Variants in ATG13 observed in about 807,000 individuals in gnomAD.
ATG13 encodes the protein autophagy related 13.
In ATG13, 23 loss-of-function variants were observed where a neutral mutation model predicts 65.5. The ratio of observed to expected loss-of-function variants is 0.35; its 90% CI spans 0.25 to 0.50. The LOEUF is 0.50. Ranked by LOEUF, ATG13 falls within the 20% of genes least tolerant of loss-of-function variation. The pLI, the probability that ATG13 is intolerant of heterozygous loss-of-function variation, is 0.98. For missense variants in ATG13, 566 were observed against 677.0 expected (o/e 0.84, Z 1.82); for synonymous variants, 252 against 245.2 (o/e 1.03, Z -0.26).
intron 1 of ATG13, among the ~76,000 whole-genome samples, chr11:46,623,490 C>T (rs991074964): frequency 1.1e-4 from 16 of 151,984 alleles, no homozygotes; most frequent in Admixed American, 1.0e-3. Flanking sequence ...TGCAGTGGCG[C>T]AGTCTTGGCT....
chr11:46,668,928 T>C lies in ATG13; in HGVS notation c.1446+18T>C, dbSNP rs767166614. On this transcript the variant is annotated intron_variant, in intron 17 of 18. Coordinates refer to ENST00000683050, the MANE Select transcript of ATG13 (RefSeq NM_001346311.2). Reference sequence around the variant, plus strand: ...TAGACTTTGTAAGTCGCCGTCACCTTCCTTGACCTTTGCTGTCCCGGGGAA... The same window carrying C: ...TAGACTTTGTAAGTCGCCGTCACCTCCCTTGACCTTTGCTGTCCCGGGGAA... The C allele has an allele frequency of 8.2e-6, 13 of 1,583,562 alleles. No homozygotes were observed. Among genetic ancestry groups the C allele is most frequent in the Admixed American group, 1.7e-5 (1 of 59,862 alleles).
chr11:46,668,534 G>A lies in ATG13; in HGVS notation c.1287G>A (p.Met429Ile), dbSNP rs540832753. ...TLTSLDIPFA[M>I]FAPKNLELED... ...CGAGTTTGGATATACCCTTTGCCAT[G>A]TTTGCTCCCAAGAATTTGGAGCTGG... is the stretch of plus-strand genomic sequence containing the variant. The change falls in exon 16 of 19, where the codon ATG (methionine) becomes ATA (isoleucine). Residue 429 changes from methionine (M) to isoleucine (I), a missense_variant. Transcript: ENST00000683050. 18 of 1,614,104 alleles carry A rather than the reference G, an allele frequency of 1.1e-5. No individual in the cohort carries two copies. The highest frequency in any genetic ancestry group is 1.5e-5 in the Non-Finnish European group (18 of 1,180,046).
rs1245553067 is a variant in ATG13, at chr11:46,664,941, T to C, written c.981T>C (p.Asn327=). The change falls in exon 13 of 19, where the codon AAT becomes AAC. Residue 327 remains asparagine (N), a synonymous_variant. Coordinates refer to ENST00000683050, the MANE Select transcript of ATG13 (RefSeq NM_001346311.2). ...AYPVVFAAGL[N]ATHPHQLMVP... Reference sequence around the variant, plus strand: ...CAGTAGTGTTTGCTGCTGGCTTAAATGCTACACACCCTCACCAGGTATCTT... The same window carrying C: ...CAGTAGTGTTTGCTGCTGGCTTAAACGCTACACACCCTCACCAGGTATCTT... 15 of 1,613,756 alleles carry C rather than the reference T, an allele frequency of 9.3e-6. No homozygotes were observed. The highest frequency in any genetic ancestry group is 1.3e-5 in the Non-Finnish European group (15 of 1,179,752).
intron 11 of ATG13, among the ~76,000 whole-genome samples, chr11:46,660,290 T>C (rs2060872693): frequency 1.3e-5 from 2 of 152,198 alleles, no homozygotes; most frequent in South Asian, 4.1e-4. Flanking sequence ...TCTACTTGCC[T>C]TTAAATCAGC....
chr11:46,667,692 C>T (rs1279220255), intron 14 of ATG13, 81 bp from the exon 15 acceptor site: 1 of 1,109,194 alleles, frequency 9.0e-7, no homozygotes, highest in Non-Finnish European at 1.3e-6. Flanking sequence ...GCCACAGCCC[C>T]ACCAGATGGT....
chr11:46,658,684 C>T (rs1320409300), intron 10 of ATG13, among the ~76,000 whole-genome samples: 2 of 151,926 alleles, frequency 1.3e-5, no homozygotes, highest in Non-Finnish European at 2.9e-5. Flanking sequence ...TACAGGCATG[C>T]GCCACCACGC....
chr11:46,627,191 C>T (rs1328907939), intron 1 of ATG13, among the ~76,000 whole-genome samples: 1 of 152,114 alleles, frequency 6.6e-6, no homozygotes, highest in African/African-American at 2.4e-5. Context: ...TCCAGTCTGG[C>T]CAACATGATG....
At chr11:46,621,224 A>C (rs2047395628) in intron 1 of ATG13, 1 of 152,176 alleles carries the variant, frequency 6.6e-6, no homozygotes, top group Non-Finnish European at 1.5e-5. Flanking sequence ...CATGTTGGTC[A>C]GGCTGGTCTC....
In ATG13 at chr11:46,656,234, A is replaced by G; in HGVS notation, c.460A>G (p.Ile154Val). ...QGHEYVILYRIYFGEVQLSGL... is the reference protein window; with the variant it reads ...QGHEYVILYRVYFGEVQLSGL... ...TTTCTTATTTTTTCTTCCATACAGG[A>G]TATATTTTGGAGAAGTTCAGCTGAG... The change falls in exon 8 of 19, where the codon ATA becomes GTA. Residue 154 changes from isoleucine to valine, a missense_variant and splice_region_variant. Around this residue, in one of 2 missense-constraint regions of ATG13, gnomAD observed 179 missense variants for 267.2 expected, o/e 0.67. Transcript: ENST00000683050. The G allele has an allele frequency of 6.2e-7, 1 of 1,612,608 alleles. No homozygotes were observed. The highest frequency in any genetic ancestry group is 8.5e-7 in the Non-Finnish European group (1 of 1,178,730).
intron 7 of ATG13, among the ~76,000 whole-genome samples, chr11:46,651,979 G>A (rs758180165): frequency 6.6e-6 from 1 of 151,778 alleles, no homozygotes; most frequent in Non-Finnish European, 1.5e-5. Flanking sequence ...CACAGGGGCC[G>A]GACGCACGGC....
At chr11:46,628,508 A>G (rs551582904) in intron 1 of ATG13, among the ~76,000 whole-genome samples, 33 of 152,190 alleles carry the variant, frequency 2.2e-4, no homozygotes, top group African/African-American at 5.8e-4. Flanking sequence ...TATTTCTTTA[A>G]TAGTTTTGAG....
chr11:46,672,176 T>C, intron 18 of ATG13, 79 bp from the exon 19 acceptor site: 1 of 1,603,934 alleles, frequency 6.2e-7, no homozygotes, highest in African/African-American at 1.3e-5. Context: ...GCTTGCTGCC[T>C]CCCCTCTTCG....
chr11:46,640,389 C>A (rs2055571642), intron 2 of ATG13, among the ~76,000 whole-genome samples: 2 of 152,214 alleles, frequency 1.3e-5, no homozygotes, highest in South Asian at 4.1e-4. Flanking sequence ...CAAGCCACCT[C>A]TGGGAGAAGA....
chr11:46,628,971 G>C (rs2050704818), intron 1 of ATG13, among the ~76,000 whole-genome samples: 1 of 145,900 alleles, frequency 6.9e-6, no homozygotes, highest in Non-Finnish European at 1.5e-5. Flanking sequence ...GAGTCTCACT[G>C]TGTCACCCAG....
rs2064071829 is a variant in ATG13, at chr11:46,672,902, A to G, written c.*570A>G. The G allele has an allele frequency of 7.4e-6, 7 of 951,338 alleles. No individual in the cohort carries two copies. The South Asian group carries it at 1.0e-4, about 14-fold the overall frequency. 58.9% of individuals were successfully genotyped at this position (951,338 alleles called of 1,614,324 possible). ...CCTCTATGCCTGTATTTCTGGCAATATGACAGGCCTGCCTACCCAAGATCA... is the reference window on the plus strand; with the variant it reads ...CCTCTATGCCTGTATTTCTGGCAATGTGACAGGCCTGCCTACCCAAGATCA... On this transcript the variant is annotated 3_prime_UTR_variant, in exon 19 of 19. Transcript: ENST00000683050.
intron 11 of ATG13, among the ~76,000 whole-genome samples, chr11:46,663,265 C>CAAAA (rs11422914): frequency 8.9e-5 from 7 of 78,290 alleles, no homozygotes; most frequent in African/African-American, 1.0e-4. Flanking sequence ...GACTCCATCT[C>CAAAA]AAAAAAAAAA....
At position 46,617,880 on chromosome 11, in the gene ATG13, C is replaced by T. The variant is rs2045788151; in HGVS notation, c.-80C>T. 1 of 399,026 alleles carries T rather than the reference C, an allele frequency of 2.5e-6. No homozygotes were observed. Among genetic ancestry groups the T allele is most frequent in the African/African-American group, 2.1e-5 (1 of 48,654 alleles). The allele number at this position is 399,026 out of a possible 1,614,324, so 24.7% of individuals were successfully genotyped here. Reference sequence around the variant, plus strand: ...GAGCCCGGAACCACTCTTTGTGCCGCAGCTTCGCAGGTACTAACTTTTGCG... The same window carrying T: ...GAGCCCGGAACCACTCTTTGTGCCGTAGCTTCGCAGGTACTAACTTTTGCG... On this transcript the variant is annotated 5_prime_UTR_variant, in exon 1 of 19. Transcript: ENST00000683050.
At chr11:46,655,709 T>C (rs1025600902) in intron 7 of ATG13, among the ~76,000 whole-genome samples, 5 of 152,346 alleles carry the variant, frequency 3.3e-5, no homozygotes, top group African/African-American at 1.2e-4. Flanking sequence ...AGAAGAAACT[T>C]AAATAGCAGT....
At position 46,666,159 on chromosome 11, in the gene ATG13, C is replaced by A. The variant is rs117976406; in HGVS notation, c.1136+640C>A. On this transcript the variant is annotated intron_variant, in intron 14 of 18. Transcript: ENST00000683050. ...GAAAAAGTGTAGACTCCTTGAAGTTCCCTGGTAAGAATCTGATATATCTGC... is the reference window on the plus strand; with the variant it reads ...GAAAAAGTGTAGACTCCTTGAAGTTACCTGGTAAGAATCTGATATATCTGC... Among the ~76,000 whole-genome samples the A allele has an allele frequency of 1.8e-3, 272 of 152,246 alleles. 6 individuals carry two copies. In the East Asian group the frequency reaches 0.042, roughly 24 times the overall value.
Sources: gnomAD v4.1 joint callset for allele counts (sites outside exome capture counted in the v4.1 genomes callset) on GRCh38, gnomAD v4.1.1 for gene constraint, gnomAD v4.1.1 regional missense constraint, MANE v1.5 for transcripts, NCBI Gene and HGNC (gene_info 2026-07-23, HGNC 2026-07-21) for gene names.